Variants in SMS observed in about 807,000 individuals in gnomAD.
SMS encodes the protein spermine synthase.
Under a neutral mutation model 33.0 loss-of-function variants are expected in SMS, and 3 were observed. The ratio of observed to expected loss-of-function variants is 0.09; its 90% confidence interval spans 0.04 to 0.23. SMS has a LOEUF of 0.23. Ranked by LOEUF, SMS falls within the 10% of genes least tolerant of loss-of-function variation. The pLI is 1.00. For missense variants in SMS, 117 were observed against 288.6 expected, an observed-to-expected ratio of 0.41 and a Z score of 4.31; for synonymous variants, 103 against 112.2, an observed-to-expected ratio of 0.92 and a Z score of 0.52.
At chrX:21,983,949 G>C (rs926999727) in intron 7 of SMS, among the ~76,000 whole-genome samples, 1 of 111,903 alleles carries the variant, frequency 8.9e-6, no homozygotes, top group Non-Finnish European at 1.9e-5. Flanking sequence ...GTATAGATTA[G>C]AGATGAAAGT....
chrX:21,991,911 T>G (rs1221537274), intron 9 of SMS, among the ~76,000 whole-genome samples: 2 of 111,795 alleles, frequency 1.8e-5, no homozygotes, highest in East Asian at 5.6e-4. Context: ...TTGTTCAGAA[T>G]CAAAAGCTTT....
At chrX:21,957,882 T>C (rs1923076135) in intron 1 of SMS, among the ~76,000 whole-genome samples, 1 of 112,116 alleles carries the variant, frequency 8.9e-6, no homozygotes, top group Non-Finnish European at 1.9e-5. Context: ...GAGCATTTTT[T>C]CATGTTTGTT....
At chrX:21,945,379 A>G (rs1170025565) in intron 1 of SMS, among the ~76,000 whole-genome samples, 1 of 111,586 alleles carries the variant, frequency 9.0e-6, no homozygotes, top group Admixed American at 9.5e-5. Flanking sequence ...TTGTGCAGGG[A>G]CACAAGGAGA....
At position 21,945,102 on chromosome X, in the gene SMS, A is replaced by G. The variant is rs1304433624; in HGVS notation, c.49+4229A>G. 4.5e-5 allele frequency among the ~76,000 whole-genome samples: 5 copies of G among 111,644 alleles called. No homozygotes were observed. In the East Asian group the frequency reaches 1.4e-3, roughly 31 times the overall value. On this transcript the variant is annotated intron_variant, in intron 1 of 10. Coordinates refer to ENST00000404933, the MANE Select transcript of SMS (RefSeq NM_004595.5). ...GAAAAGGTCTAGCAATCCTATGTCC[A>G]TTTTTTTCCCCTGGGCTGGGCGTAT...
At chrX:21,968,626 C>T (rs972058373) in intron 2 of SMS, among the ~76,000 whole-genome samples, 17 of 111,973 alleles carry the variant, frequency 1.5e-4, no homozygotes, top group African/African-American at 5.2e-4. Context: ...GATCAGCTAC[C>T]GCAGACCATG....
chrX:21,979,210 C>G (rs1196714281), intron 7 of SMS, among the ~76,000 whole-genome samples: 2 of 108,173 alleles, frequency 1.8e-5, no homozygotes, highest in African/African-American at 6.7e-5. Flanking sequence ...ATTATACTTT[C>G]AGTTCTACGG....
intron 1 of SMS, among the ~76,000 whole-genome samples, chrX:21,947,147 T>C (rs901896626): frequency 1.8e-5 from 2 of 112,239 alleles, no homozygotes; most frequent in Non-Finnish European, 3.8e-5. Context: ...AACAATGTAG[T>C]TCAGATTGCA....
intron 1 of SMS, among the ~76,000 whole-genome samples, chrX:21,946,553 T>C (rs1002406476): frequency 2.7e-5 from 3 of 111,604 alleles, no homozygotes; most frequent in Non-Finnish European, 5.6e-5. Flanking sequence ...AAAGCCATGT[T>C]TGTTTGATTG....
intron 7 of SMS, 27 bp from the exon 8 acceptor site, chrX:21,984,277 C>T: frequency 1.1e-6 from 1 of 908,628 alleles, no homozygotes; most frequent in Non-Finnish European, 1.6e-6. Context: ...TGTTGGCTCA[C>T]TCATCTATTC....
chrX:21,940,933 T>A, intron 1 of SMS, 60 bp downstream of exon 1: 1 of 817,982 alleles, frequency 1.2e-6, no homozygotes, highest in Non-Finnish European at 1.6e-6. Flanking sequence ...CCTGGCGGGC[T>A]GGGGCGGGGG....
chrX:21,970,863 C>A (rs1924100318), intron 2 of SMS, among the ~76,000 whole-genome samples: 2 of 106,998 alleles, frequency 1.9e-5, no homozygotes, highest in Admixed American at 1.0e-4. Flanking sequence ...AGGAGGTAAT[C>A]ATAACCCTGG....
intron 7 of SMS, among the ~76,000 whole-genome samples, chrX:21,980,641 A>G (rs947724561): frequency 4.6e-4 from 51 of 110,159 alleles, no homozygotes; most frequent in African/African-American, 1.6e-3. Flanking sequence ...GAAAATAGGA[A>G]GAAGATGAGG....
At chrX:21,991,981 T>C (rs1216273929) in intron 9 of SMS, among the ~76,000 whole-genome samples, 1 of 111,901 alleles carries the variant, frequency 8.9e-6, no homozygotes, top group Non-Finnish European at 1.9e-5. Flanking sequence ...CTGCTGGAGA[T>C]GCTGAAAATG....
At chrX:21,987,944 C>T (rs1925467835) in intron 9 of SMS, among the ~76,000 whole-genome samples, 1 of 112,302 alleles carries the variant, frequency 8.9e-6, no homozygotes, top group Non-Finnish European at 1.9e-5. Flanking sequence ...CTACCACAGC[C>T]CATTTGTGAA....
At chrX:21,990,539 G>T (rs373967855) in intron 9 of SMS, among the ~76,000 whole-genome samples, 2 of 112,612 alleles carry the variant, frequency 1.8e-5, no homozygotes, top group East Asian at 5.5e-4. Context: ...TAAATAGACA[G>T]GAAAGTGAAA....
chrX:21,945,109 T>C lies in SMS; in HGVS notation c.49+4236T>C, dbSNP rs557976776. 4.2e-4 allele frequency among the ~76,000 whole-genome samples: 47 copies of C among 112,133 alleles called. 1 individual carries two copies. Among genetic ancestry groups the C allele is most frequent in the Middle Eastern group, 9.2e-3 (2 of 218 alleles). ...TCTAGCAATCCTATGTCCATTTTTT[T>C]CCCCTGGGCTGGGCGTATCTTTTGA... On this transcript the variant is annotated intron_variant, in intron 1 of 10. Transcript: ENST00000404933.
rs147607495 is a variant in SMS at position 21,949,506 on chromosome X, A to G, written c.49+8633A>G. On this transcript the variant is annotated intron_variant, in intron 1 of 10. Transcript: ENST00000404933. ...TGCCCTGTGTTTTGAAGGTTGGTCT[A>G]CTTTATTTAAAGGGCTTCCTCCCTA... Among the ~76,000 whole-genome samples, 607 of 112,145 alleles carry G rather than the reference A, an allele frequency of 5.4e-3. 3 individuals carry two copies. The highest frequency in any genetic ancestry group is 0.019 in the Middle Eastern group (4 of 216).
At position 21,940,760 on chromosome X, in the gene SMS, C is replaced by A; in HGVS notation, c.-65C>A. On this transcript the variant is annotated 5_prime_UTR_variant, in exon 1 of 11. Transcript: ENST00000404933. ...ACTCCCAGCCGGCCGCAGCCTGACA[C>A]GCCGCGCGGCCCCCCAGTCTCCCGC... 1.1e-6 allele frequency: 1 copy of A among 933,496 alleles called. No individual in the cohort carries two copies. The highest frequency in any genetic ancestry group is 1.5e-6 in the Non-Finnish European group (1 of 689,202). 76.9% of individuals were successfully genotyped at this position (933,496 alleles called of 1,213,427 possible).
intron 1 of SMS, among the ~76,000 whole-genome samples, chrX:21,958,221 G>A (rs888015904): frequency 8.9e-6 from 1 of 111,951 alleles, no homozygotes; most frequent in African/African-American, 3.2e-5. Flanking sequence ...TGATGTTATC[G>A]TTATCTTCTA....
Sources: allele counts gnomAD v4.1 joint callset (sites outside exome capture counted in the v4.1 genomes callset), GRCh38; gene constraint gnomAD v4.1.1; transcripts MANE v1.5; gene names NCBI Gene and HGNC (gene_info 2026-07-23, HGNC 2026-07-21).